RNF214: variants seen among roughly 807,000 people sequenced by gnomAD.
The protein encoded by RNF214 is ring finger protein 214.
Under a neutral mutation model 75.9 loss-of-function variants are expected in RNF214, and 25 were observed. The ratio of observed to expected loss-of-function variants is 0.33; its 90% CI spans 0.24 to 0.46. RNF214 has a LOEUF of 0.46. Ranked by LOEUF, RNF214 falls within the 20% of genes least tolerant of loss-of-function variation. The pLI, the probability that RNF214 is intolerant of heterozygous loss-of-function variation, is 1.00. For synonymous variants in RNF214, 314 were observed against 308.8 expected (o/e 1.02, Z -0.18); for missense variants, 725 against 857.5 (o/e 0.85, Z 1.93).
At position 117,273,389 on chromosome 11, in the gene RNF214, A is replaced by C. The variant is rs1045886116; in HGVS notation, c.960-6519A>C. On this transcript the variant is annotated intron_variant, in intron 6 of 14. Transcript: ENST00000300650. ...TTATTATTATTATTATTTTAGTTTTATTCCTGGCAAGCTGTGAAGTTTTTT... is the reference window on the plus strand; with the variant it reads ...TTATTATTATTATTATTTTAGTTTTCTTCCTGGCAAGCTGTGAAGTTTTTT... Among the ~76,000 whole-genome samples, 52 of 151,680 alleles carry C rather than the reference A, an allele frequency of 3.4e-4. 1 individual carries two copies. Among genetic ancestry groups the C allele is most frequent in the African/African-American group, 1.3e-3 (52 of 41,274 alleles).
At chr11:117,278,760 C>T (rs1451508571) in intron 6 of RNF214, among the ~76,000 whole-genome samples, 2 of 152,152 alleles carry the variant, frequency 1.3e-5, no homozygotes, top group Admixed American at 1.3e-4. Flanking sequence ...TATCACTGTG[C>T]TTAGTAGCGA....
At chr11:117,235,969 T>C (rs989981259) in intron 2 of RNF214, among the ~76,000 whole-genome samples, 8 of 148,506 alleles carry the variant, frequency 5.4e-5, no homozygotes, top group African/African-American at 1.7e-4. Flanking sequence ...CTCAACTCTG[T>C]TTTTTTTTTG....
chr11:117,254,171 C>T (rs566077002), intron 6 of RNF214, among the ~76,000 whole-genome samples: 4 of 152,066 alleles, frequency 2.6e-5, no homozygotes, highest in Non-Finnish European at 5.9e-5. Context: ...ATTGCTTAAA[C>T]CCGGGAGGTG....
intron 6 of RNF214, among the ~76,000 whole-genome samples, chr11:117,253,678 T>TA (rs1318649879): frequency 6.6e-6 from 1 of 151,670 alleles, no homozygotes. Context: ...CTTATCTCTA[T>TA]AAAAAATAAA....
chr11:117,250,686 A>G (rs1312983795), intron 6 of RNF214, among the ~76,000 whole-genome samples: 2 of 141,160 alleles, frequency 1.4e-5, no homozygotes, highest in African/African-American at 2.6e-5. Flanking sequence ...GGGTCACAGG[A>G]CAATAGTGGA....
At chr11:117,248,244 A>ATTTTTTTTTTTTTTTTTTTTT (rs2033281768) in intron 6 of RNF214, among the ~76,000 whole-genome samples, 1 of 151,764 alleles carries the variant, frequency 6.6e-6, no homozygotes, top group African/African-American at 2.4e-5. Context: ...CCTGGCTAAC[A>ATTTTTTTTTTTTTTTTTTTTT]TTTTTGTATT....
rs2033158617 is a variant in RNF214, at chr11:117,244,480, G to T, written c.714G>T (p.Glu238Asp). 6.2e-7 allele frequency: 1 copy of T among 1,612,792 alleles called. No individual in the cohort carries two copies. Among genetic ancestry groups the T allele is most frequent in the Non-Finnish European group, 8.5e-7 (1 of 1,179,326 alleles). The change falls in exon 5 of 15, where the codon GAG becomes GAT. Residue 238 changes from glutamate (E) to aspartate (D), a missense_variant. By Grantham distance (45) the Glu-to-Asp change is conservative. Transcript: ENST00000300650. ...KMMTERTLLK[E>D]RYQEVLDKQR... is the part of the protein sequence containing the mutation. ...TGACAGAGAGAACCCTGTTGAAAGA[G>T]CGTTACCAGGAGGTCCTGGACAAAC... is the stretch of plus-strand genomic sequence containing the variant.
At chr11:117,278,452 C>T (rs2034060823) in intron 6 of RNF214, among the ~76,000 whole-genome samples, 1 of 152,142 alleles carries the variant, frequency 6.6e-6, no homozygotes, top group Non-Finnish European at 1.5e-5. Flanking sequence ...AAAACTTTAC[C>T]ACAATCAAAT....
rs1355073465 is a variant in RNF214 at position 117,238,928 on chromosome 11, C to T, written c.435C>T (p.Ala145=). The T allele has an allele frequency of 6.2e-7, 1 of 1,614,192 alleles. No homozygotes were observed. Among genetic ancestry groups the T allele is most frequent in the South Asian group, 1.1e-5 (1 of 91,088 alleles). The change falls in exon 3 of 15, where the codon GCC becomes GCT. Residue 145 remains alanine (A), a synonymous_variant. Coordinates refer to ENST00000300650, the MANE Select transcript of RNF214 (RefSeq NM_207343.4). ...CAGGGTGCCATACTAAGCAGCTTGC[C>T]TCCAGGAATTGCTCTGAAGAGAAAT... ...LKAGCHTKQL[A]SRNCSEEKSP...
At chr11:117,259,043 G>A (rs1591829113) in intron 6 of RNF214, among the ~76,000 whole-genome samples, 4 of 152,086 alleles carry the variant, frequency 2.6e-5, no homozygotes, top group Non-Finnish European at 5.9e-5. Flanking sequence ...TGCAACCTCC[G>A]CCTGCCGGGT....
At chr11:117,243,117 T>A (rs1170651432) in intron 4 of RNF214, among the ~76,000 whole-genome samples, 2 of 149,714 alleles carry the variant, frequency 1.3e-5, no homozygotes, top group African/African-American at 5.0e-5. Context: ...AGGTCCTATC[T>A]TGAGAGCCTT....
At chr11:117,249,865 G>A (rs1328144698) in intron 6 of RNF214, among the ~76,000 whole-genome samples, 2 of 152,080 alleles carry the variant, frequency 1.3e-5, no homozygotes, top group Non-Finnish European at 2.9e-5. Flanking sequence ...CTCCTTCAAG[G>A]CCCTGTATCC....
chr11:117,271,627 T>C (rs1434690164), intron 6 of RNF214, among the ~76,000 whole-genome samples: 3 of 152,210 alleles, frequency 2.0e-5, no homozygotes, highest in Non-Finnish European at 4.4e-5. Context: ...AAATTTGAAG[T>C]ATTTGCAGGA....
Position 117,239,010 on chromosome 11 carries a change from C to T in RNF214, c.517C>T (p.Pro173Ser), listed in dbSNP as rs759681232. The T allele has an allele frequency of 6.2e-7, 1 of 1,614,166 alleles. No individual in the cohort carries two copies. The highest frequency in any genetic ancestry group is 1.3e-5 in the African/African-American group (1 of 75,046). ...GNRDTSLDFR[P>S]VVSPANGVEG... ...CAGGGACACAAGCTTGGATTTCCGA[C>T]CTGTAGTGTCTCCAGCAAATGGGGT... The change falls in exon 3 of 15, where the codon CCT becomes TCT. Residue 173 changes from proline (P) to serine (S), a missense_variant. Physicochemically the swap from Pro to Ser is moderately conservative, Grantham distance 74 (BLOSUM62 -1). Around this residue, in one of 2 missense-constraint regions of RNF214, gnomAD observed 362 missense variants for 344.5 expected, o/e 1.05. Transcript: ENST00000300650.
chr11:117,282,929 G>A (rs1373992428), intron 13 of RNF214, 79 bp downstream of exon 13: 1 of 1,169,398 alleles, frequency 8.6e-7, no homozygotes, highest in African/African-American at 1.5e-5. Flanking sequence ...GTGGAGTGCA[G>A]GAAGAAACCA....
chr11:117,285,012 C>A, intron 14 of RNF214, 74 bp from the exon 15 acceptor site: 1 of 1,080,268 alleles, frequency 9.3e-7, no homozygotes. Context: ...CCTTGTTGAA[C>A]CTTATTGGCA....
rs1202807269 is a variant in RNF214, at chr11:117,281,364, C to T, written c.1196C>T (p.Thr399Met). Reference sequence around the variant, plus strand: ...GTTCGTTCCAAACAGGAGTGGGAGACGAGACTGAATGGAGTTCGGATAATG... The same window carrying T: ...GTTCGTTCCAAACAGGAGTGGGAGATGAGACTGAATGGAGTTCGGATAATG... ...ETVRSKQEWE[T>M]RLNGVRIMKK... The change falls in exon 9 of 15, where the codon ACG (threonine) becomes ATG (methionine). Residue 399 changes from threonine to methionine, a missense_variant. Physicochemically the swap from Thr to Met is moderately conservative, Grantham distance 81. Transcript: ENST00000300650. The T allele has an allele frequency of 3.7e-6, 6 of 1,613,270 alleles. No individual in the cohort carries two copies. Among genetic ancestry groups the T allele is most frequent in the Non-Finnish European group, 4.2e-6 (5 of 1,179,546 alleles).
At chr11:117,258,757 C>T (rs945955864) in intron 6 of RNF214, among the ~76,000 whole-genome samples, 7 of 152,106 alleles carry the variant, frequency 4.6e-5, no homozygotes, top group African/African-American at 1.7e-4. Context: ...CTTGTGCCTT[C>T]TCAGTCAGTC....
At chr11:117,255,831 C>T (rs934979126) in intron 6 of RNF214, among the ~76,000 whole-genome samples, 2 of 152,172 alleles carry the variant, frequency 1.3e-5, no homozygotes, top group African/African-American at 4.8e-5. Context: ...TGCCTCCTTT[C>T]TCATTGTCTA....
Sources: allele counts gnomAD v4.1 joint callset (sites outside exome capture counted in the v4.1 genomes callset), GRCh38; gene constraint gnomAD v4.1.1; regional missense constraint gnomAD v4.1.1; transcripts MANE v1.5; gene names NCBI Gene and HGNC (gene_info 2026-07-23, HGNC 2026-07-21).